ZFHX2: variants seen among roughly 807,000 people sequenced by gnomAD.
ZFHX2 encodes the protein zinc finger homeobox 2, also known as zinc finger homeobox protein 2.
ZFHX2 carries 75 observed loss-of-function variants against 164.8 expected under a neutral mutation model. The observed-to-expected ratio is 0.46, with a 90% CI of 0.38 to 0.55. The LOEUF is 0.55. ZFHX2 is among the 20% of genes least tolerant of loss of function. The pLI, the probability that ZFHX2 is intolerant of heterozygous loss-of-function variation, is 0.00. For missense variants in ZFHX2, 2,933 were observed against 3,308.0 expected (o/e 0.89, Z 2.78); for synonymous variants, 1,217 against 1,351.4 (o/e 0.90, Z 2.18).
Position 23,526,046 on chromosome 14 carries a change from T to C in ZFHX2, c.3896A>G (p.Glu1299Gly). Reference sequence around the variant, plus strand: ...CTCAGTGCCCACCTCCCCCTCTGTCTCGCCTTCCTTGGGCTCTTCTTGGCT... The same window carrying C: ...CTCAGTGCCCACCTCCCCCTCTGTCCCGCCTTCCTTGGGCTCTTCTTGGCT... ...ERSQEEPKEG[E>G]TEGEVGTEKK... The change falls in exon 9 of 10, where the codon GAG (glutamate) becomes GGG (glycine). Residue 1299 changes from glutamate (E) to glycine (G), a missense_variant. By Grantham distance (98) the Glu-to-Gly change is moderately conservative. Transcript: ENST00000419474. 2 of 1,536,506 alleles carry C rather than the reference T, an allele frequency of 1.3e-6. No individual in the cohort carries two copies. The highest frequency in any genetic ancestry group is 1.4e-5 in the African/African-American group (1 of 73,152).
Position 23,525,543 on chromosome 14 carries a change from T to C in ZFHX2, c.4399A>G (p.Thr1467Ala), listed in dbSNP as rs1047463606. The change falls in exon 9 of 10, where the codon ACC becomes GCC. Residue 1467 changes from threonine (T) to alanine (A), a missense_variant. By Grantham distance (58) the Thr-to-Ala change is moderately conservative. Coordinates refer to ENST00000419474, the MANE Select transcript of ZFHX2 (RefSeq NM_033400.3). The surrounding 1 kb of genome is among the most constrained non-coding windows in gnomAD (Gnocchi z 5.9). ...CCGAGGGCCTCAGGTGGGGGTGGGGTAGGGGGAGGGGGCACAGCTTGCTTC... is the reference window on the plus strand; with the variant it reads ...CCGAGGGCCTCAGGTGGGGGTGGGGCAGGGGGAGGGGGCACAGCTTGCTTC... ...EGKQAVPPPPTPPPPEALGGG... is the reference protein window; with the variant it reads ...EGKQAVPPPPAPPPPEALGGG... 6.5e-7 allele frequency: 1 copy of C among 1,533,968 alleles called. No individual in the cohort carries two copies. Among genetic ancestry groups the C allele is most frequent in the Non-Finnish European group, 8.7e-7 (1 of 1,146,652 alleles).
chr14:23,534,973 G>T lies in ZFHX2; in HGVS notation c.353C>A (p.Ala118Asp), dbSNP rs1199386868. 6.5e-7 allele frequency: 1 copy of T among 1,536,066 alleles called. No individual in the cohort carries two copies. Among genetic ancestry groups the T allele is most frequent in the Non-Finnish European group, 8.7e-7 (1 of 1,146,926 alleles). The change falls in exon 2 of 10, where the codon GCT becomes GAT. Residue 118 changes from alanine to aspartate, a missense_variant. Coordinates refer to ENST00000419474, the MANE Select transcript of ZFHX2 (RefSeq NM_033400.3). This position sits in a 1 kb window ranked among gnomAD's most constrained non-coding sequence, Gnocchi z 4.5. Reference sequence around the variant, plus strand: ...GGCCACTAGGTAGGCCTCACCTCCAGCTGTGAAGAATAAGTGGTTGCTTAG... The same window carrying T: ...GGCCACTAGGTAGGCCTCACCTCCATCTGTGAAGAATAAGTGGTTGCTTAG... ...MDLSNHLFFT[A>D]GGEAYLVAKL...
Position 23,523,927 on chromosome 14 carries a change from A to C in ZFHX2, c.6015T>G (p.Ser2005Arg). Residue 2005 changes from serine (S) to arginine (R), a missense_variant, in exon 9 of 10, where the codon AGT (serine) becomes AGG (arginine). Coordinates refer to ENST00000419474, the MANE Select transcript of ZFHX2 (RefSeq NM_033400.3). The surrounding 1 kb of genome is among the most constrained non-coding windows in gnomAD (Gnocchi z 4.1). ...PLPLLPPPPPSEEEGPEEPPK... is the reference protein window; with the variant it reads ...PLPLLPPPPPREEEGPEEPPK... ...GTGGTTCCTCTGGGCCCTCTTCCTC[A>C]CTGGGTGGAGGGGGAGGTAGGAGAG... 1 of 1,536,020 alleles carries C rather than the reference A, an allele frequency of 6.5e-7. No homozygotes were observed. The highest frequency in any genetic ancestry group is 8.7e-7 in the Non-Finnish European group (1 of 1,146,812).
rs530939358 is a variant in ZFHX2, at chr14:23,535,520, C to T, written c.-49-146G>A. 239 of 478,624 alleles carry T rather than the reference C, an allele frequency of 5.0e-4. 3 individuals are homozygous for T. In the East Asian group the frequency reaches 7.9e-3, roughly 16 times the overall value. 29.6% of individuals were successfully genotyped at this position (478,624 alleles called of 1,614,324 possible). ...GCTAACCTGAAATTTCACTTAGTGT[C>T]TAACATGCTTCAAAACTTAATATGT... On this transcript the variant is annotated intron_variant, in intron 1 of 9. Coordinates refer to ENST00000419474, the MANE Select transcript of ZFHX2 (RefSeq NM_033400.3). This position sits in a 1 kb window ranked among gnomAD's most constrained non-coding sequence, Gnocchi z 4.5.
intron 4 of ZFHX2, chr14:23,530,752 C>T (rs1044964560): frequency 2.9e-5 from 8 of 274,468 alleles, no homozygotes; most frequent in South Asian, 1.0e-4. Context: ...TGGGCCCCTC[C>T]GGCACTTAAC....
chr14:23,547,728 G>C (rs1881537010), intron 1 of ZFHX2, among the ~76,000 whole-genome samples: 1 of 152,076 alleles, frequency 6.6e-6, no homozygotes, highest in Non-Finnish European at 1.5e-5. Flanking sequence ...ACTTAGGTGG[G>C]GGGAGTGGGT....
chr14:23,525,670 A>G lies in ZFHX2; in HGVS notation c.4272T>C (p.Pro1424=). The G allele has an allele frequency of 1.3e-6, 2 of 1,534,676 alleles. No homozygotes were observed. The highest frequency in any genetic ancestry group is 2.4e-5 in the South Asian group (2 of 83,928). The part of the protein sequence containing the change: ...PMAKEGNEAG[P]SSPPDPLPNE... ...TGGGCAATGGGTCGGGGGGTGAGGA[A>G]GGCCCTGCCTCATTACCCTCTTTGG... The change falls in exon 9 of 10, where the codon CCT becomes CCC. Residue 1424 remains proline, a synonymous_variant. Coordinates refer to ENST00000419474, the MANE Select transcript of ZFHX2 (RefSeq NM_033400.3). The surrounding 1 kb of genome is among the most constrained non-coding windows in gnomAD (Gnocchi z 5.9).
At chr14:23,540,018 C>T (rs1304109543) in intron 1 of ZFHX2, among the ~76,000 whole-genome samples, 2 of 152,210 alleles carry the variant, frequency 1.3e-5, no homozygotes, top group East Asian at 1.9e-4. Context: ...GACAGGGTCT[C>T]GCTCGGTCTC....
Position 23,526,871 on chromosome 14 carries a change from T to C in ZFHX2, c.3238A>G (p.Thr1080Ala), listed in dbSNP as rs913326627. The C allele has an allele frequency of 6.5e-7, 1 of 1,533,706 alleles. No homozygotes were observed. Among genetic ancestry groups the C allele is most frequent in the East Asian group, 2.4e-5 (1 of 40,870 alleles). The change falls in exon 8 of 10, where the codon ACA becomes GCA. Residue 1080 changes from threonine to alanine, a missense_variant. Transcript: ENST00000419474. ...QEPPTHGPEP[T>A]PSRDQAAEGP... ...CCTGCTGCCTGGTCTCTGCTCGGTGTAGGCTCTGGCCCATGAGTGGGGGGT... is the reference window on the plus strand; with the variant it reads ...CCTGCTGCCTGGTCTCTGCTCGGTGCAGGCTCTGGCCCATGAGTGGGGGGT...
At position 23,533,661 on chromosome 14, in the gene ZFHX2, T is replaced by A. The variant is rs1595163323; in HGVS notation, c.1665A>T (p.Pro555=). ...GQGSPPEASL[P]PSAGDKEPKT... is the part of the protein sequence containing the mutation. ...TAGGCTCTTTGTCTCCCGCGGAGGGTGGGAGTGATGCCTCTGGTGGACTTC... is the reference window on the plus strand; with the variant it reads ...TAGGCTCTTTGTCTCCCGCGGAGGGAGGGAGTGATGCCTCTGGTGGACTTC... Residue 555 remains proline, a synonymous_variant, in exon 2 of 10, where the codon CCA becomes CCT. Transcript: ENST00000419474. The surrounding 1 kb of genome is among the most constrained non-coding windows in gnomAD (Gnocchi z 4.8). The A allele has an allele frequency of 6.5e-7, 1 of 1,537,238 alleles. No individual in the cohort carries two copies. The highest frequency in any genetic ancestry group is 2.0e-5 in the Admixed American group (1 of 51,048).
Position 23,535,199 on chromosome 14 carries a change from C to G in ZFHX2, c.127G>C (p.Ala43Pro). 6.5e-7 allele frequency: 1 copy of G among 1,529,716 alleles called. No individual in the cohort carries two copies. The highest frequency in any genetic ancestry group is 8.8e-7 in the Non-Finnish European group (1 of 1,141,582). 94.8% of individuals were successfully genotyped at this position (1,529,716 alleles called of 1,614,324 possible). The change falls in exon 2 of 10, where the codon GCT becomes CCT. Residue 43 changes from alanine (A) to proline (P), a missense_variant. Coordinates refer to ENST00000419474, the MANE Select transcript of ZFHX2 (RefSeq NM_033400.3). This position sits in a 1 kb window ranked among gnomAD's most constrained non-coding sequence, Gnocchi z 4.5. ...ATGTTCTCAGAGGTGGAGGAGGCAG[C>G]AGGGGGATCTTTGGTGACAGGATCA... is the stretch of plus-strand genomic sequence containing the variant. ...PSDPVTKDPP[A>P]ASSTSENMRS... is the part of the protein sequence containing the mutation.
chr14:23,544,098 A>C (rs1037485675), intron 1 of ZFHX2: 1 of 151,606 alleles, frequency 6.6e-6, no homozygotes, highest in Non-Finnish European at 1.5e-5. Flanking sequence ...CTAAAAATAC[A>C]AAAAAAATGA....
Position 23,533,956 on chromosome 14 carries a change from T to C in ZFHX2, c.1370A>G (p.Lys457Arg), listed in dbSNP as rs1354908450. ...CTGGTACTTGTAGTGCCAGTTGCACTTGGGACACTTGAGTGTCTTGCAGGA... is the reference window on the plus strand; with the variant it reads ...CTGGTACTTGTAGTGCCAGTTGCACCTGGGACACTTGAGTGTCTTGCAGGA... ...RNSCKTLKCPKCNWHYKYQQT... is the reference protein window; with the variant it reads ...RNSCKTLKCPRCNWHYKYQQT... Residue 457 changes from lysine (K) to arginine (R), a missense_variant, in exon 2 of 10, where the codon AAG becomes AGG. Lys to Arg is a conservative substitution (Grantham distance 26). Transcript: ENST00000419474. This position sits in a 1 kb window ranked among gnomAD's most constrained non-coding sequence, Gnocchi z 4.8. The C allele has an allele frequency of 1.0e-5, 16 of 1,537,892 alleles. No individual in the cohort carries two copies. The highest frequency in any genetic ancestry group is 7.3e-5 in the East Asian group (3 of 40,916).
chr14:23,551,486 C>T lies in ZFHX2; in HGVS notation c.-193G>A, dbSNP rs551534538. On this transcript the variant is annotated 5_prime_UTR_variant, in exon 1 of 10. Coordinates refer to ENST00000419474, the MANE Select transcript of ZFHX2 (RefSeq NM_033400.3). This position sits in a 1 kb window ranked among gnomAD's most constrained non-coding sequence, Gnocchi z 5.3. ...CCTCCTCCTCCCTCCCTCCAGCGCT[C>T]GCTCCGGGGCGTCAGGGACGGAGAC... The T allele has an allele frequency of 9.2e-5, 14 of 152,048 alleles. No individual in the cohort carries two copies. The East Asian group carries it at 2.7e-3, about 30-fold the overall frequency. The allele number at this position is 152,048 out of a possible 1,614,324, so 9.4% of individuals were successfully genotyped here.
Position 23,524,103 on chromosome 14 carries a change from A to G in ZFHX2, c.5839T>C (p.Leu1947=). 1 of 1,534,244 alleles carries G rather than the reference A, an allele frequency of 6.5e-7. No homozygotes were observed. The highest frequency in any genetic ancestry group is 1.4e-5 in the African/African-American group (1 of 73,020). ...PASLPKFNLL[L]GKVDDGTGRE... ...CCAGTGCCATCATCTACCTTGCCTA[A>G]TAAGAGGTTGAACTTGGGCAAGGAT... The change falls in exon 9 of 10, where the codon TTA becomes CTA. Residue 1947 remains leucine, a synonymous_variant. Transcript: ENST00000419474. This position sits in a 1 kb window ranked among gnomAD's most constrained non-coding sequence, Gnocchi z 5.6.
rs1173068114 is a variant in ZFHX2, at chr14:23,526,319, A to G, written c.3623T>C (p.Val1208Ala). Residue 1208 changes from valine to alanine, a missense_variant, in exon 9 of 10, where the codon GTT becomes GCT. Transcript: ENST00000419474. ...AAGGTGGGAGACAGAATTATAATGAACCAACAGAATATTCTTCTGGGTGAA... is the reference window on the plus strand; with the variant it reads ...AAGGTGGGAGACAGAATTATAATGAGCCAACAGAATATTCTTCTGGGTGAA... Reference protein sequence around the residue: ...ESFTQKNILLVHYNSVSHLHK... With the variant: ...ESFTQKNILLAHYNSVSHLHK... 2.0e-6 allele frequency: 3 copies of G among 1,536,156 alleles called. No homozygotes were observed. Among genetic ancestry groups the G allele is most frequent in the Non-Finnish European group, 2.6e-6 (3 of 1,146,920 alleles).
rs1879893362 is a variant in ZFHX2, at chr14:23,534,113, G to C, written c.1213C>G (p.Pro405Ala). 3 of 1,487,158 alleles carry C rather than the reference G, an allele frequency of 2.0e-6. No individual in the cohort carries two copies. Among genetic ancestry groups the C allele is most frequent in the Middle Eastern group, 1.7e-4 (1 of 5,726 alleles). The allele number at this position is 1,487,158 out of a possible 1,614,324, so 92.1% of individuals were successfully genotyped here. A position where few individuals can be genotyped will look rare whatever the true frequency, so the allele number is the denominator to read the frequency against. ...TSKEGGTLPA[P>A]VGSPEDPSDP... ...CTGGGGTCTTCGGGGGAGCCCACTG[G>C]GGCAGGGAGAGTGCCCCCCTCCTTG... The change falls in exon 2 of 10, where the codon CCA (proline) becomes GCA (alanine). Residue 405 changes from proline (P) to alanine (A), a missense_variant. Physicochemically the swap from Pro to Ala is conservative, Grantham distance 27 (BLOSUM62 -1). Coordinates refer to ENST00000419474, the MANE Select transcript of ZFHX2 (RefSeq NM_033400.3). This position sits in a 1 kb window ranked among gnomAD's most constrained non-coding sequence, Gnocchi z 4.5.
In ZFHX2 at chr14:23,526,144, G is replaced by A. The variant is rs1039369992; in HGVS notation, c.3798C>T (p.His1266=). ...SYNQSSTLEI[H]MRSVLHQTRS... ...GAGTCTGATGCAGAACTGACCGCAT[G>A]TGGATCTCCAGGGTGGAGCTCTGGT... Residue 1266 remains histidine, a synonymous_variant, in exon 9 of 10, where the codon CAC becomes CAT. Transcript: ENST00000419474. The A allele has an allele frequency of 2.0e-6, 3 of 1,536,558 alleles. No homozygotes were observed. Among genetic ancestry groups the A allele is most frequent in the Admixed American group, 2.0e-5 (1 of 51,004 alleles).
At position 23,533,287 on chromosome 14, in the gene ZFHX2, G is replaced by C. The variant is rs1348598805; in HGVS notation, c.2039C>G (p.Ser680Cys). The C allele has an allele frequency of 4.2e-6, 6 of 1,436,746 alleles. No homozygotes were observed. The highest frequency in any genetic ancestry group is 5.5e-6 in the Non-Finnish European group (6 of 1,099,516). 89.0% of individuals were successfully genotyped at this position (1,436,746 alleles called of 1,614,324 possible). A position where few individuals can be genotyped will look rare whatever the true frequency, so the allele number is the denominator to read the frequency against. ...VGAPARKFPT[S>C]APGSLSPDAH... The stretch of plus-strand genomic sequence containing the variant: ...AGGGAAGAAGCACAGAAGCTTACCG[G>C]ATGTGGGGAACTTGCGGGCAGGTGC... The change falls in exon 2 of 10, where the codon TCC becomes TGC. Residue 680 changes from serine (S) to cysteine (C), a missense_variant and splice_region_variant. By Grantham distance (112) the Ser-to-Cys change is moderately radical. Coordinates refer to ENST00000419474, the MANE Select transcript of ZFHX2 (RefSeq NM_033400.3). The surrounding 1 kb of genome is among the most constrained non-coding windows in gnomAD (Gnocchi z 4.8).
Sources: allele counts gnomAD v4.1 joint callset (sites outside exome capture counted in the v4.1 genomes callset), GRCh38; gene constraint gnomAD v4.1.1; non-coding constraint Gnocchi (gnomAD v3.1); transcripts MANE v1.5; gene names NCBI Gene and HGNC (gene_info 2026-07-23, HGNC 2026-07-21).